IGSF11: variants seen among roughly 807,000 people sequenced by gnomAD.
IGSF11 encodes CXADR like 1.
A neutral mutation model predicts 41.0 loss-of-function variants in IGSF11; 22 were observed. The observed-to-expected ratio is 0.54, with a 90% CI of 0.38 to 0.77. The LOEUF (loss-of-function observed/expected upper bound fraction) is 0.77, where lower values mean the gene tolerates loss of function less well. IGSF11 is among the 30% of genes least tolerant of loss of function. The probability of loss-of-function intolerance (pLI) is 0.00; values close to 1 mark genes in which losing one functional copy is unlikely to be tolerated. For missense variants in IGSF11, 444 were observed against 530.8 expected, an observed-to-expected ratio of 0.84 and a Z score of 1.61; for synonymous variants, 219 against 201.3, an observed-to-expected ratio of 1.09 and a Z score of -0.74.
chr3:118,914,100 A>C (rs9841148), intron 4 of IGSF11, among the ~76,000 whole-genome samples: 3,552 of 152,298 alleles, frequency 0.023, 139 homozygotes, highest in African/African-American at 0.081. Context: ...TATGCATTTG[A>C]GAACTTTAAG....
chr3:118,998,482 A>G (rs992835158), intron 1 of IGSF11, among the ~76,000 whole-genome samples: 1 of 152,118 alleles, frequency 6.6e-6, no homozygotes, highest in Non-Finnish European at 1.5e-5. Context: ...TGGGGGGGAA[A>G]AAAAAGAAAA....
chr3:119,127,644 C>T (rs1167810353), intron 1 of IGSF11, among the ~76,000 whole-genome samples: 1 of 152,142 alleles, frequency 6.6e-6, no homozygotes, highest in Non-Finnish European at 1.5e-5. Context: ...CTGTTAAGGG[C>T]AGCCAGAGAG....
chr3:119,067,637 AT>A (rs140118712), intron 1 of IGSF11, among the ~76,000 whole-genome samples: 7 of 151,558 alleles, frequency 4.6e-5, no homozygotes, highest in Non-Finnish European at 7.4e-5. Context: ...AAAACTTTAG[AT>A]TTTTTTTTAG....
At chr3:118,910,482 T>C (rs1019241532) in intron 4 of IGSF11, among the ~76,000 whole-genome samples, 4 of 152,202 alleles carry the variant, frequency 2.6e-5, no homozygotes, top group Non-Finnish European at 5.9e-5. Flanking sequence ...GGGACTTAGT[T>C]CAGGTCCTTG....
intron 1 of IGSF11, among the ~76,000 whole-genome samples, chr3:119,049,798 G>A (rs1203467482): frequency 6.6e-6 from 1 of 150,458 alleles, no homozygotes; most frequent in East Asian, 1.9e-4. Context: ...TACCAAAACA[G>A]AGATGTAGAT....
chr3:118,998,978 A>G (rs1013386088), intron 1 of IGSF11, among the ~76,000 whole-genome samples: 1 of 152,108 alleles, frequency 6.6e-6, no homozygotes, highest in Non-Finnish European at 1.5e-5. Flanking sequence ...ATGAAATGTT[A>G]TGAAAAAATT....
chr3:119,122,150 G>A (rs1237113753), intron 1 of IGSF11, among the ~76,000 whole-genome samples: 2 of 152,220 alleles, frequency 1.3e-5, no homozygotes, highest in Admixed American at 6.5e-5. Context: ...AAGAGGCACT[G>A]AAAAGGGCAG....
intron 1 of IGSF11, among the ~76,000 whole-genome samples, chr3:119,103,596 G>A (rs1361663171): frequency 1.3e-5 from 2 of 152,162 alleles, no homozygotes; most frequent in Admixed American, 6.5e-5. Context: ...AAGGTTATGC[G>A]TAAAAGTTTC....
intron 1 of IGSF11, among the ~76,000 whole-genome samples, chr3:119,040,236 C>A (rs563577014): frequency 6.0e-4 from 92 of 152,176 alleles, no homozygotes; most frequent in African/African-American, 2.0e-3. Flanking sequence ...ATCTTGTGGC[C>A]CCCTCCCAGG....
chr3:119,066,569 GGAATTCTGT>G (rs765723003), intron 1 of IGSF11, among the ~76,000 whole-genome samples: 1 of 152,138 alleles, frequency 6.6e-6, no homozygotes, highest in African/African-American at 2.4e-5. Flanking sequence ...TAAATATTCA[GGAATTCTGT>G]GAGATTGTTG....
intron 1 of IGSF11, among the ~76,000 whole-genome samples, chr3:118,952,994 C>A (rs1036328301): frequency 6.6e-6 from 1 of 151,852 alleles, no homozygotes; most frequent in African/African-American, 2.4e-5. Context: ...TTTGGTGCAC[C>A]CATCACCTGA....
intron 1 of IGSF11, chr3:118,944,759 T>C (rs1943988163): frequency 6.6e-6 from 1 of 152,206 alleles, no homozygotes; most frequent in Non-Finnish European, 1.5e-5. Context: ...CTTGATGCTA[T>C]TCATCAAGAA....
rs112703231 is a variant in IGSF11 at position 118,934,999 on chromosome 3, C to T, written c.53-4724G>A. ...GTAACCTACTCATCATTTACAATAG[C>T]TCAAGTGATACCTTCTCACAAGAAA... On this transcript the variant is annotated intron_variant, in intron 1 of 6. Transcript: ENST00000393775. 7.7e-3 allele frequency among the ~76,000 whole-genome samples: 1,175 copies of T among 152,060 alleles called. 10 individuals carry two copies. The highest frequency in any genetic ancestry group is 0.025 in the African/African-American group (1,053 of 41,482).
At chr3:119,022,916 C>T (rs1478191843) in intron 1 of IGSF11, among the ~76,000 whole-genome samples, 2 of 151,998 alleles carry the variant, frequency 1.3e-5, no homozygotes, top group Middle Eastern at 3.2e-3. Flanking sequence ...AAAAGACACA[C>T]ACAAGAACAT....
upstream of IGSF11, among the ~76,000 whole-genome samples, chr3:119,106,997 T>C (rs2077041772): frequency 6.6e-6 from 1 of 152,254 alleles, no homozygotes; most frequent in Non-Finnish European, 1.5e-5. Flanking sequence ...TTGTTGGACA[T>C]TTGGGTTGGT....
chr3:119,026,590 A>T (rs1939851795), intron 1 of IGSF11, among the ~76,000 whole-genome samples: 1 of 152,174 alleles, frequency 6.6e-6, no homozygotes, highest in Non-Finnish European at 1.5e-5. Context: ...AGTCTTCGCC[A>T]TTATGTAGTC....
intron 1 of IGSF11, among the ~76,000 whole-genome samples, chr3:118,986,816 C>T (rs1466190018): frequency 6.6e-6 from 1 of 152,148 alleles, no homozygotes; most frequent in Non-Finnish European, 1.5e-5. Flanking sequence ...AAAGAAAAGG[C>T]AATACAAAGA....
intron 1 of IGSF11, among the ~76,000 whole-genome samples, chr3:119,081,597 T>C (rs2076587089): frequency 6.6e-6 from 1 of 152,232 alleles, no homozygotes; most frequent in African/African-American, 2.4e-5. Flanking sequence ...TTAGAAATTC[T>C]AGTCCTGGTT....
At chr3:118,945,314 C>G (rs1944036011) in intron 1 of IGSF11, among the ~76,000 whole-genome samples, 1 of 152,128 alleles carries the variant, frequency 6.6e-6, no homozygotes, top group Non-Finnish European at 1.5e-5. Flanking sequence ...CTTATTTTGA[C>G]AGAGACCTAC....
Sources: gnomAD v4.1 joint callset for allele counts (sites outside exome capture counted in the v4.1 genomes callset) on GRCh38, gnomAD v4.1.1 for gene constraint, MANE v1.5 for transcripts, NCBI Gene and HGNC (gene_info 2026-07-23, HGNC 2026-07-21) for gene names.